The following ARHGEF3 variants were observed in gnomAD, a reference collection of about 807,000 sequenced individuals.
ARHGEF3 encodes the protein 59.8 kDA protein.
A neutral mutation model predicts 63.2 loss-of-function variants in ARHGEF3; 28 were observed. The ratio of observed to expected loss-of-function variants is 0.44; its 90% CI spans 0.33 to 0.61. ARHGEF3 has a LOEUF of 0.61. ARHGEF3 is among the 20% of genes least tolerant of loss of function. ARHGEF3 has a pLI of 0.03. For synonymous variants in ARHGEF3, 266 were observed against 254.2 expected, an observed-to-expected ratio of 1.05 and a Z score of -0.44; for missense variants, 533 against 659.3, an observed-to-expected ratio of 0.81 and a Z score of 2.10.
At chr3:56,752,253 T>TCA (rs1434757674) in intron 4 of ARHGEF3, among the ~76,000 whole-genome samples, 2 of 152,158 alleles carry the variant, frequency 1.3e-5, no homozygotes, top group African/African-American at 4.8e-5. Flanking sequence ...AGACAGGGTT[T>TCA]CACCATGTTG....
chr3:56,916,502 A>G, intron 3 of ARHGEF3: 11 of 1,379,536 alleles, frequency 8.0e-6, no homozygotes, highest in Non-Finnish European at 1.0e-5. Context: ...ATCAGTTACA[A>G]GTGTCAGAGG....
chr3:57,002,495 ATGT>A (rs375928550), intron 2 of ARHGEF3, among the ~76,000 whole-genome samples: 425 of 8,560 alleles, frequency 0.05, 32 homozygotes, highest in African/African-American at 0.095. Flanking sequence ...ATATATATAT[ATGT>A]TATATATATA....
chr3:56,731,163 A>G (rs2033127978), intron 9 of ARHGEF3, among the ~76,000 whole-genome samples: 1 of 152,194 alleles, frequency 6.6e-6, no homozygotes, highest in Non-Finnish European at 1.5e-5. Flanking sequence ...CATGTTAATT[A>G]CTTTGACAGT....
chr3:56,748,549 ATTTTT>A (rs71072193), intron 6 of ARHGEF3, among the ~76,000 whole-genome samples: 3 of 136,724 alleles, frequency 2.2e-5, no homozygotes, highest in East Asian at 2.1e-4. Context: ...GAAAAAATCT[ATTTTT>A]TTTTTTTTTT....
rs1173726797 is a variant in ARHGEF3 at position 56,971,122 on chromosome 3, A to G, written c.63-12233T>C. 2.6e-5 allele frequency among the ~76,000 whole-genome samples: 4 copies of G among 152,180 alleles called. No homozygotes were observed. In the East Asian group the frequency reaches 7.7e-4, roughly 29 times the overall value. On this transcript the variant is annotated intron_variant, in intron 2 of 12. Coordinates refer to the ARHGEF3 transcript ENST00000338458. ...GCAGCTAATAGGAGCTTAATAAATA[A>G]TGAGAATGAATTCATGGTGCGGCCC...
chr3:57,024,298 T>A (rs201794987), intron 2 of ARHGEF3, among the ~76,000 whole-genome samples: 21 of 141,686 alleles, frequency 1.5e-4, no homozygotes, highest in African/African-American at 5.0e-4. Context: ...GGAAAGATAT[T>A]AAAAAAAAAA....
At chr3:56,901,857 AACG>A (rs2041520914) in intron 3 of ARHGEF3, among the ~76,000 whole-genome samples, 1 of 152,166 alleles carries the variant, frequency 6.6e-6, no homozygotes, top group East Asian at 1.9e-4. Flanking sequence ...ATTTCTGCTT[AACG>A]ACACCTTATT....
intron 4 of ARHGEF3, among the ~76,000 whole-genome samples, chr3:56,878,603 GA>G (rs1298220935): frequency 6.6e-6 from 1 of 152,154 alleles, no homozygotes; most frequent in African/African-American, 2.4e-5. Context: ...CTCTGTAAGA[GA>G]AACTCTTAAC....
intron 4 of ARHGEF3, among the ~76,000 whole-genome samples, chr3:56,871,045 C>G (rs573939595): frequency 3.3e-5 from 5 of 152,192 alleles, no homozygotes; most frequent in African/African-American, 1.2e-4. Context: ...CTAACTCTAT[C>G]TAAATATCTG....
At chr3:56,796,468 T>C (rs577865535) in intron 1 of ARHGEF3, among the ~76,000 whole-genome samples, 3 of 152,342 alleles carry the variant, frequency 2.0e-5, no homozygotes, top group South Asian at 4.1e-4. Flanking sequence ...GACCAGCTCC[T>C]TGGTCTTGAG....
At chr3:56,982,111 G>A (rs1701349126) in intron 2 of ARHGEF3, among the ~76,000 whole-genome samples, 1 of 152,168 alleles carries the variant, frequency 6.6e-6, no homozygotes, top group African/African-American at 2.4e-5. Context: ...AAGCTTACCT[G>A]AGAAAGAAGC....
At chr3:56,968,247 A>T (rs1419563313) in intron 2 of ARHGEF3, among the ~76,000 whole-genome samples, 137 of 40,118 alleles carry the variant, frequency 3.4e-3, no homozygotes, top group African/African-American at 0.011. Context: ...TATATATATT[A>T]ATATATAATA....
At chr3:56,906,066 T>C (rs1389602575) in intron 3 of ARHGEF3, among the ~76,000 whole-genome samples, 4 of 152,260 alleles carry the variant, frequency 2.6e-5, no homozygotes, top group African/African-American at 9.6e-5. Context: ...GGTTTCATCA[T>C]GTTGGGCAGG....
intron 1 of ARHGEF3, among the ~76,000 whole-genome samples, chr3:56,791,576 C>T (rs939317494): frequency 6.6e-6 from 1 of 152,186 alleles, no homozygotes; most frequent in Non-Finnish European, 1.5e-5. Flanking sequence ...GGAGATTACT[C>T]TGCACAGTGT....
intron 2 of ARHGEF3, among the ~76,000 whole-genome samples, chr3:56,981,109 C>T (rs149601776): frequency 1.2e-3 from 189 of 152,338 alleles, no homozygotes; most frequent in African/African-American, 4.5e-3. Flanking sequence ...TCCCCATCTT[C>T]CTGGGGAAAT....
At chr3:56,882,322 A>G (rs2040794133) in exon 4 of ARHGEF3, 2 of 1,551,992 alleles carry the variant, frequency 1.3e-6, no homozygotes, top group Non-Finnish European at 1.7e-6. Context: ...GGCTAACAGC[A>G]TCTTCATCTT....
At chr3:56,901,007 G>GT in intron 3 of ARHGEF3, among the ~76,000 whole-genome samples, 1 of 152,296 alleles carries the variant, frequency 6.6e-6, no homozygotes, top group South Asian at 2.1e-4. Context: ...GGCCAAAGAA[G>GT]TTTTTGGGTA....
rs75878948 is a variant in ARHGEF3 at position 57,039,855 on chromosome 3, G to C, written c.-27-4679C>G. 5.1e-3 allele frequency among the ~76,000 whole-genome samples: 776 copies of C among 152,226 alleles called. 4 individuals are homozygous for C. The highest frequency in any genetic ancestry group is 0.018 in the African/African-American group (739 of 41,536). The stretch of plus-strand genomic sequence containing the variant: ...CTCAAGGATGATCTCCCCATGCCAA[G>C]ATCCTTAAAGTCATCACATCTGCAA... On this transcript the variant is annotated intron_variant, in intron 1 of 12. Coordinates refer to the ARHGEF3 transcript ENST00000338458.
At chr3:57,052,106 T>C (rs1006296121) in intron 1 of ARHGEF3, among the ~76,000 whole-genome samples, 1 of 152,218 alleles carries the variant, frequency 6.6e-6, no homozygotes, top group African/African-American at 2.4e-5. Flanking sequence ...ACTGTTACTA[T>C]GCTCGTGTTG....
Sources: allele counts gnomAD v4.1 joint callset (sites outside exome capture counted in the v4.1 genomes callset), GRCh38; gene constraint gnomAD v4.1.1; transcripts MANE v1.5; gene names NCBI Gene and HGNC (gene_info 2026-07-23, HGNC 2026-07-21).